TXNDC9: variants seen among roughly 807,000 people sequenced by gnomAD.
TXNDC9 encodes the protein thioredoxin domain-containing protein 9.
TXNDC9 carries 7 observed loss-of-function variants against 23.0 expected under a neutral mutation model. The observed-to-expected ratio is 0.30, with a 90% confidence interval of 0.17 to 0.57. The LOEUF (loss-of-function observed/expected upper bound fraction) is 0.57. TXNDC9 is among the 20% of genes least tolerant of loss of function. The pLI is 0.90. For missense variants in TXNDC9, 198 were observed against 252.6 expected, an observed-to-expected ratio of 0.78 and a Z score of 1.47; for synonymous variants, 72 against 90.6, an observed-to-expected ratio of 0.79 and a Z score of 1.17.
intron 4 of TXNDC9, 113 bp downstream of exon 4, chr2:99,321,842 T>A: frequency 8.2e-7 from 1 of 1,219,714 alleles, no homozygotes; most frequent in Non-Finnish European, 1.1e-6. Context: ...ACTTTCCACA[T>A]CTCAGCCAAA....
the TXNDC9 span, among the ~76,000 whole-genome samples, chr2:99,309,399 A>G: frequency 6.6e-6 from 1 of 152,148 alleles, no homozygotes; most frequent in Non-Finnish European, 1.5e-5. Context: ...CAATTTTAAA[A>G]ATTAAAGAGT....
intron 2 of TXNDC9, among the ~76,000 whole-genome samples, chr2:99,331,596 G>A (rs1475440615): frequency 1.3e-5 from 2 of 151,452 alleles, no homozygotes; most frequent in South Asian, 2.1e-4. Context: ...GCCATATAAC[G>A]TACTCTATTT....
intron 2 of TXNDC9, among the ~76,000 whole-genome samples, chr2:99,331,266 C>T (rs762508248): frequency 6.6e-6 from 1 of 151,896 alleles, no homozygotes; most frequent in Non-Finnish European, 1.5e-5. Context: ...AATTATCAGC[C>T]CTATACTATG....
At position 99,319,750 on chromosome 2, in the gene TXNDC9, T is replaced by C. The variant is rs1301694799; in HGVS notation, c.613A>G (p.Asn205Asp). 6.2e-7 allele frequency: 1 copy of C among 1,604,714 alleles called. No homozygotes were observed. The highest frequency in any genetic ancestry group is 1.3e-5 in the African/African-American group (1 of 74,246). Reference protein sequence around the residue: ...PFQNQKKFGTNFTKLEKKTIR... With the variant: ...PFQNQKKFGTDFTKLEKKTIR... The stretch of plus-strand genomic sequence containing the variant: ...GTTTTCTTTTCCAGCTTTGTGAAGT[T>C]TGTTCCAAATTTCTTTTGGTTCTGA... Residue 205 changes from asparagine (N) to aspartate (D), a missense_variant, in exon 5 of 5, where the codon AAC becomes GAC. Physicochemically the swap from Asn to Asp is conservative, Grantham distance 23 (BLOSUM62 1). Transcript: ENST00000264255.
intron 1 of TXNDC9, among the ~76,000 whole-genome samples, chr2:99,334,664 CTATA>C (rs1420268032): frequency 1.3e-5 from 2 of 152,142 alleles, no homozygotes; most frequent in Non-Finnish European, 2.9e-5. Context: ...TGGCACATGA[CTATA>C]TATTTTAAAA....
chr2:99,320,932 A>G (rs2094200307), intron 4 of TXNDC9, among the ~76,000 whole-genome samples: 1 of 152,154 alleles, frequency 6.6e-6, no homozygotes, highest in African/African-American at 2.4e-5. Flanking sequence ...ACGAGGTCTC[A>G]TCTCACTATA....
At chr2:99,316,692 G>A (rs1258592886), downstream of TXNDC9, among the ~76,000 whole-genome samples, 1 of 152,006 alleles carries the variant, frequency 6.6e-6, no homozygotes, top group Non-Finnish European at 1.5e-5. Context: ...CTCCTCTAAT[G>A]AATTTTTCAT....
At chr2:99,333,910 T>A (rs1167398415) in intron 1 of TXNDC9, among the ~76,000 whole-genome samples, 2 of 152,250 alleles carry the variant, frequency 1.3e-5, no homozygotes, top group African/African-American at 4.8e-5. Context: ...AGTGTTAACT[T>A]TGATGTAAAA....
At chr2:99,335,725 G>C (rs907359069) in intron 1 of TXNDC9, among the ~76,000 whole-genome samples, 1 of 152,160 alleles carries the variant, frequency 6.6e-6, no homozygotes, top group Non-Finnish European at 1.5e-5. Flanking sequence ...AATGAGCCCA[G>C]AATTTAATTA....
chr2:99,318,603 G>A (rs2094194871), downstream of TXNDC9, among the ~76,000 whole-genome samples: 1 of 152,152 alleles, frequency 6.6e-6, no homozygotes, highest in South Asian at 2.1e-4. Flanking sequence ...GGAAAGGGGT[G>A]ATATAACCCC....
intron 4 of TXNDC9, 53 bp downstream of exon 4, chr2:99,321,902 A>G: frequency 6.8e-7 from 1 of 1,461,164 alleles, no homozygotes; most frequent in South Asian, 1.4e-5. Flanking sequence ...TCTTTTGTAA[A>G]AATATCAACT....
chr2:99,311,925 T>C, the TXNDC9 span, among the ~76,000 whole-genome samples: 4 of 152,064 alleles, frequency 2.6e-5, no homozygotes, highest in South Asian at 8.3e-4. Flanking sequence ...ATGAAAAGAG[T>C]TAAGCATTTA....
At chr2:99,316,897 C>T (rs2094190309), downstream of TXNDC9, among the ~76,000 whole-genome samples, 1 of 152,140 alleles carries the variant, frequency 6.6e-6, no homozygotes, top group Non-Finnish European at 1.5e-5. Flanking sequence ...GGTGGGACTA[C>T]AGGCGCCCGC....
chr2:99,314,895 A>ATTTTT (rs56288449), downstream of TXNDC9, among the ~76,000 whole-genome samples: 3 of 106,890 alleles, frequency 2.8e-5, no homozygotes, highest in African/African-American at 7.3e-5. Context: ...TCCTTTACTC[A>ATTTTT]TTTTTTTTTT....
chr2:99,308,765 G>A, the TXNDC9 span, among the ~76,000 whole-genome samples: 11 of 151,936 alleles, frequency 7.2e-5, no homozygotes, highest in East Asian at 1.9e-3. Context: ...AGGCTGGAGT[G>A]CAGTGGTGCA....
Position 99,328,498 on chromosome 2 carries a change from T to A in TXNDC9, c.190-845A>T, listed in dbSNP as rs75389257. Among the ~76,000 whole-genome samples the A allele has an allele frequency of 1.6e-3, 247 of 152,296 alleles. 5 individuals carry two copies. In the East Asian group the frequency reaches 0.041, roughly 26 times the overall value. On this transcript the variant is annotated intron_variant, in intron 2 of 4. Coordinates refer to ENST00000264255, the MANE Select transcript of TXNDC9 (RefSeq NM_005783.4). ...ACGGACAGTGAACGTCTCCACAGCA[T>A]GGCCTGGGTTCAAGACAATTACCTG...
At chr2:99,317,028 T>C (rs1459369792), downstream of TXNDC9, among the ~76,000 whole-genome samples, 1 of 152,258 alleles carries the variant, frequency 6.6e-6, no homozygotes, top group Non-Finnish European at 1.5e-5. Context: ...AGTGCTGGGA[T>C]TACAGGCGTG....
intron 3 of TXNDC9, among the ~76,000 whole-genome samples, chr2:99,327,292 G>A (rs2094214779): frequency 6.6e-6 from 1 of 152,076 alleles, no homozygotes; most frequent in Non-Finnish European, 1.5e-5. Flanking sequence ...GGCTGGTCTT[G>A]AACTCCTGAC....
intron 3 of TXNDC9, among the ~76,000 whole-genome samples, chr2:99,326,512 A>C (rs1041585790): frequency 6.6e-6 from 1 of 152,196 alleles, no homozygotes; most frequent in African/African-American, 2.4e-5. Flanking sequence ...TTTAAAGAAA[A>C]ATTCTAAGTG....
Sources: gnomAD v4.1 joint callset for allele counts (sites outside exome capture counted in the v4.1 genomes callset) on GRCh38, gnomAD v4.1.1 for gene constraint, MANE v1.5 for transcripts, NCBI Gene and HGNC (gene_info 2026-07-23, HGNC 2026-07-21) for gene names.